PCDHGB5: variants seen among roughly 807,000 people sequenced by gnomAD.
The protein encoded by PCDHGB5 is protocadherin gamma subfamily B, 5.
PCDHGB5 carries 48 observed loss-of-function variants against 62.9 expected under a neutral mutation model. That is an observed-to-expected ratio of 0.76 (90% CI 0.61 to 0.97). The LOEUF is 0.97. PCDHGB5 is among the 50% of genes least tolerant of loss of function. The probability of loss-of-function intolerance (pLI) is 0.00; values close to 1 mark genes in which losing one functional copy is unlikely to be tolerated. For missense variants in PCDHGB5, 1,118 were observed against 1,198.6 expected, an observed-to-expected ratio of 0.93 and a Z score of 0.99; for synonymous variants, 474 against 511.2, an observed-to-expected ratio of 0.93 and a Z score of 0.98.
Position 141,421,691 on chromosome 5 carries a change from T to A in PCDHGB5, c.2397+21167T>A, listed in dbSNP as rs1175919580. ...GCAATTCCTGGGGCGCGATTTGCTC[T>A]TCCTAATGCTAGGGATCCAGATGTG... On this transcript the variant is annotated intron_variant, in intron 1 of 3. Coordinates refer to ENST00000617380, the MANE Select transcript of PCDHGB5 (RefSeq NM_018925.3). 6.2e-7 allele frequency: 1 copy of A among 1,613,816 alleles called. No individual in the cohort carries two copies. The highest frequency in any genetic ancestry group is 1.3e-5 in the African/African-American group (1 of 74,938).
At chr5:141,494,232 A>T (rs2099752983) in intron 1 of PCDHGB5, among the ~76,000 whole-genome samples, 1 of 152,168 alleles carries the variant, frequency 6.6e-6, no homozygotes, top group African/African-American at 2.4e-5. Flanking sequence ...TCCTAAATTA[A>T]TAATGTATTT....
At chr5:141,494,780 G>A (rs1314622459) in intron 1 of PCDHGB5, 27 bp from the exon 2 acceptor site, 13 of 1,613,898 alleles carry the variant, frequency 8.1e-6, no homozygotes, top group African/African-American at 1.3e-5. Context: ...CGGGTACTCA[G>A]CCCCTTTCCC....
chr5:141,409,882 G>A, intron 1 of PCDHGB5: 1 of 1,613,006 alleles, frequency 6.2e-7, no homozygotes, highest in Non-Finnish European at 8.5e-7. Context: ...ACAACGCACC[G>A]CGGGTGCTGT....
chr5:141,489,913 A>G lies in PCDHGB5; in HGVS notation c.2398-4894A>G. 1 of 1,614,208 alleles carries G rather than the reference A, an allele frequency of 6.2e-7. No homozygotes were observed. Among genetic ancestry groups the G allele is most frequent in the Non-Finnish European group, 8.5e-7 (1 of 1,180,044 alleles). Reference sequence around the variant, plus strand: ...TGGGGGGACCCCAGCCCGCTCAGGGACCACCCTTATCTCTGTCATCGTGCT... The same window carrying G: ...TGGGGGGACCCCAGCCCGCTCAGGGGCCACCCTTATCTCTGTCATCGTGCT... On this transcript the variant is annotated intron_variant, in intron 1 of 3. Transcript: ENST00000617380. The surrounding 1 kb of genome is among the most constrained non-coding windows in gnomAD (Gnocchi z 4.5).
chr5:141,497,312 G>A (rs940721317), intron 2 of PCDHGB5, among the ~76,000 whole-genome samples: 7 of 152,038 alleles, frequency 4.6e-5, no homozygotes, highest in African/African-American at 1.7e-4. Flanking sequence ...CCATACACTG[G>A]CTTTGAAGCA....
rs1332652972 is a variant in PCDHGB5, at chr5:141,432,381, C to T, written c.2397+31857C>T. On this transcript the variant is annotated intron_variant, in intron 1 of 3. Transcript: ENST00000617380. The surrounding 1 kb of genome is among the most constrained non-coding windows in gnomAD (Gnocchi z 6.0). ...ATGGCGCGGGACAACGGGCACCCGCCCCTCAGCAGCAACGTGTCGTTGAGC... is the reference window on the plus strand; with the variant it reads ...ATGGCGCGGGACAACGGGCACCCGCTCCTCAGCAGCAACGTGTCGTTGAGC... 1 of 1,614,256 alleles carries T rather than the reference C, an allele frequency of 6.2e-7. No homozygotes were observed. The highest frequency in any genetic ancestry group is 1.1e-5 in the South Asian group (1 of 91,082).
rs1052219950 is a variant in PCDHGB5, at chr5:141,476,865, G to A, written c.2398-17942G>A. The A allele has an allele frequency of 1.2e-6, 2 of 1,613,752 alleles. No individual in the cohort carries two copies. Among genetic ancestry groups the A allele is most frequent in the African/African-American group, 1.3e-5 (1 of 74,958 alleles). On this transcript the variant is annotated intron_variant, in intron 1 of 3. Coordinates refer to ENST00000617380, the MANE Select transcript of PCDHGB5 (RefSeq NM_018925.3). This position sits in a 1 kb window ranked among gnomAD's most constrained non-coding sequence, Gnocchi z 7.6. ...CCTGTCTTCAACCAGTCCTTGTACC[G>A]GGCGCGCGTCCTGGAGGATGCACCC...
intron 2 of PCDHGB5, among the ~76,000 whole-genome samples, chr5:141,505,050 T>C (rs1190927211): frequency 2.0e-5 from 3 of 152,130 alleles, no homozygotes; most frequent in Non-Finnish European, 4.4e-5. Context: ...TCATCCCAGC[T>C]ACTTGGGAGA....
chr5:141,436,591 G>A (rs903125499), intron 1 of PCDHGB5, among the ~76,000 whole-genome samples: 8 of 152,154 alleles, frequency 5.3e-5, no homozygotes, highest in Non-Finnish European at 1.0e-4. Context: ...TTGAAAGGTC[G>A]TGGTGATGGC....
At chr5:141,415,122 C>T (rs552568826) in intron 1 of PCDHGB5, 34 of 1,613,668 alleles carry the variant, frequency 2.1e-5, no homozygotes, top group Admixed American at 6.7e-5. Flanking sequence ...TCGTAGTGGC[C>T]GTCCAGGACC....
At chr5:141,415,401 G>T in intron 1 of PCDHGB5, 2 of 1,614,206 alleles carry the variant, frequency 1.2e-6, no homozygotes, top group Non-Finnish European at 1.7e-6. Context: ...TGTCCGGCTC[G>T]CACTTTGTGG....
rs747132868 is a variant in PCDHGB5 at position 141,431,424 on chromosome 5, G to C, written c.2397+30900G>C. ...GCCTCCGACGGGGGCGACCCGGTGC[G>C]CACAGGCACCGCGCGCATCCGCGTG... On this transcript the variant is annotated intron_variant, in intron 1 of 3. Coordinates refer to ENST00000617380, the MANE Select transcript of PCDHGB5 (RefSeq NM_018925.3). This position sits in a 1 kb window ranked among gnomAD's most constrained non-coding sequence, Gnocchi z 4.8. The C allele has an allele frequency of 6.2e-7, 1 of 1,613,558 alleles. No individual in the cohort carries two copies. The highest frequency in any genetic ancestry group is 1.1e-5 in the South Asian group (1 of 91,082).
intron 1 of PCDHGB5, among the ~76,000 whole-genome samples, chr5:141,435,412 T>C (rs2097761991): frequency 6.6e-6 from 1 of 152,222 alleles, no homozygotes; most frequent in Non-Finnish European, 1.5e-5. Flanking sequence ...TGGTAAAGAC[T>C]ATTTTTCACT....
At chr5:141,458,289 T>G (rs2154566205) in intron 1 of PCDHGB5, among the ~76,000 whole-genome samples, 1 of 152,280 alleles carries the variant, frequency 6.6e-6, no homozygotes, top group African/African-American at 2.4e-5. Flanking sequence ...CTGGTCCTCA[T>G]GCTGGTTTAG....
intron 3 of PCDHGB5, 152 bp from the exon 4 acceptor site, chr5:141,510,795 G>C (rs994874330): frequency 9.3e-5 from 136 of 1,465,100 alleles, no homozygotes; most frequent in Admixed American, 1.7e-4. Flanking sequence ...CTTGTGAAGA[G>C]AGACTACCTT....
chr5:141,400,699 A>G (rs1040547233), intron 1 of PCDHGB5, 175 bp downstream of exon 1: 1 of 733,556 alleles, frequency 1.4e-6, no homozygotes, highest in Non-Finnish European at 2.2e-6. Flanking sequence ...TATGTCGCAT[A>G]AAAGAAGTAG....
chr5:141,431,265 G>A lies in PCDHGB5; in HGVS notation c.2397+30741G>A. 2 of 1,614,168 alleles carry A rather than the reference G, an allele frequency of 1.2e-6. No homozygotes were observed. On this transcript the variant is annotated intron_variant, in intron 1 of 3. Transcript: ENST00000617380. This position sits in a 1 kb window ranked among gnomAD's most constrained non-coding sequence, Gnocchi z 4.8. ...GATATCGGGAAGAACTCTCTGCAGA[G>A]CTACGAGCTCAGCCCGAACACTCAC...
chr5:141,412,559 GTTTA>G (rs2095563108), intron 1 of PCDHGB5: 1 of 152,224 alleles, frequency 6.6e-6, no homozygotes, highest in Admixed American at 6.5e-5. Flanking sequence ...TATCTCATGA[GTTTA>G]TTTAATATAA....
chr5:141,452,914 TAAGA>T (rs1164409830), intron 1 of PCDHGB5, among the ~76,000 whole-genome samples: 1 of 152,226 alleles, frequency 6.6e-6, no homozygotes, highest in African/African-American at 2.4e-5. Flanking sequence ...CATTATACAG[TAAGA>T]AAGAGCTGCT....
Sources: allele counts gnomAD v4.1 joint callset (sites outside exome capture counted in the v4.1 genomes callset), GRCh38; gene constraint gnomAD v4.1.1; non-coding constraint Gnocchi (gnomAD v3.1); transcripts MANE v1.5; gene names NCBI Gene and HGNC (gene_info 2026-07-23, HGNC 2026-07-21).